Variants in UTRN observed in about 807,000 individuals in gnomAD.
UTRN encodes the protein utrophin, also known as dystrophin-related protein 1.
UTRN carries 283 observed loss-of-function variants against 463.9 expected under a neutral mutation model. The observed-to-expected ratio is 0.61, with a 90% CI of 0.55 to 0.67. The LOEUF (loss-of-function observed/expected upper bound fraction) is 0.67, where lower values mean the gene tolerates loss of function less well. Among genes scored for constraint, UTRN ranks in the 30% least tolerant of loss-of-function variants. The probability of loss-of-function intolerance (pLI) is 0.00; values close to 1 mark genes in which losing one functional copy is unlikely to be tolerated. For missense variants in UTRN, 3,922 were observed against 4,084.3 expected (o/e 0.96, Z 1.08); for synonymous variants, 1,442 against 1,431.5 (o/e 1.01, Z -0.17).
chr6:144,441,671 G>A (rs1787178240), intron 13 of UTRN, among the ~76,000 whole-genome samples: 1 of 152,222 alleles, frequency 6.6e-6, no homozygotes, highest in African/African-American at 2.4e-5. Flanking sequence ...ACTAGGTGGT[G>A]CCACAGTAGG....
intron 2 of UTRN, among the ~76,000 whole-genome samples, chr6:144,352,887 C>T (rs1294243260): frequency 6.6e-6 from 1 of 152,134 alleles, no homozygotes; most frequent in African/African-American, 2.4e-5. Context: ...AGACTGTCAG[C>T]ATTGATTTTC....
intron 33 of UTRN, among the ~76,000 whole-genome samples, chr6:144,497,618 T>A (rs1419306841): frequency 1.3e-5 from 2 of 151,614 alleles, no homozygotes; most frequent in African/African-American, 4.9e-5. Context: ...GAGGCTGAGG[T>A]TGCAGTGAGT....
chr6:144,837,073 A>T (rs1420943991), intron 71 of UTRN: 1 of 159,808 alleles, frequency 6.3e-6, no homozygotes, highest in Non-Finnish European at 1.4e-5. Flanking sequence ...TTACATTAAG[A>T]TGAATACATG....
Position 144,499,370 on chromosome 6 carries a change from G to A in UTRN, c.4707G>A (p.Gln1569=), listed in dbSNP as rs1312436761. Residue 1569 remains glutamine, a synonymous_variant, in exon 34 of 75, where the codon CAG becomes CAA. Coordinates refer to ENST00000367545, the MANE Select transcript of UTRN (RefSeq NM_007124.3). Reference sequence around the variant, plus strand: ...CTGCTACTGAAACTGAATTGGTACAGAAGTCCACTTCAGAAGGTCTGCTTG... The same window carrying A: ...CTGCTACTGAAACTGAATTGGTACAAAAGTCCACTTCAGAAGGTCTGCTTG... ...WLSATETELV[Q]KSTSEGLLGD... 1.2e-6 allele frequency: 2 copies of A among 1,613,238 alleles called. No homozygotes were observed. The highest frequency in any genetic ancestry group is 1.7e-6 in the Non-Finnish European group (2 of 1,179,506).
At chr6:144,348,939 A>G (rs754628098) in intron 2 of UTRN, among the ~76,000 whole-genome samples, 3 of 152,180 alleles carry the variant, frequency 2.0e-5, no homozygotes, top group Non-Finnish European at 4.4e-5. Context: ...CATCTCAAAA[A>G]AAAACAAAAA....
intron 54 of UTRN, among the ~76,000 whole-genome samples, chr6:144,732,711 AT>A (rs1788867707): frequency 1.3e-5 from 2 of 150,288 alleles, no homozygotes. Context: ...ATGTTATGTT[AT>A]GTTATGTTAT....
chr6:144,777,332 A>G (rs1339933541), intron 60 of UTRN, among the ~76,000 whole-genome samples: 2 of 152,242 alleles, frequency 1.3e-5, no homozygotes, highest in East Asian at 1.9e-4. Context: ...TCTTAGAACT[A>G]TAAAATTAAA....
chr6:144,577,602 G>C (rs546496106), intron 51 of UTRN, among the ~76,000 whole-genome samples: 1 of 152,004 alleles, frequency 6.6e-6, no homozygotes, highest in South Asian at 2.1e-4. Context: ...AAATTATAAG[G>C]GCATTTTCCC....
chr6:144,291,952 A>G, intron 2 of UTRN, 45 bp downstream of exon 2: 2 of 1,575,514 alleles, frequency 1.3e-6, no homozygotes, highest in Non-Finnish European at 1.7e-6. Context: ...TTATGTATTT[A>G]GAAAACCTAT....
At chr6:144,840,616 T>C in intron 72 of UTRN, 124 bp from the exon 73 acceptor site, 6 of 1,071,692 alleles carry the variant, frequency 5.6e-6, no homozygotes, top group Middle Eastern at 2.2e-4. Flanking sequence ...TCCTTTGCAA[T>C]GGGAAATCTT....
At chr6:144,439,964 A>G (rs958546983) in intron 12 of UTRN, among the ~76,000 whole-genome samples, 1 of 152,200 alleles carries the variant, frequency 6.6e-6, no homozygotes, top group Admixed American at 6.5e-5. Context: ...ATACTGTCCT[A>G]CACTAGATAA....
At position 144,487,591 on chromosome 6, in the gene UTRN, A is replaced by T. The variant is rs762538142; in HGVS notation, c.3866A>T (p.Gln1289Leu). The T allele has an allele frequency of 1.2e-6, 2 of 1,613,414 alleles. No homozygotes were observed. The highest frequency in any genetic ancestry group is 2.2e-5 in the South Asian group (2 of 91,000). ...VLRHPADNRT[Q>L]IRELGQTLID... ...CGCCACCCGGCAGATAATCGCACCC[A>T]GATTCGAGAGCTTGGCCAGACTCTG... Residue 1289 changes from glutamine to leucine, a missense_variant, in exon 29 of 75, where the codon CAG becomes CTG. Around this residue, in one of 3 missense-constraint regions of UTRN, gnomAD observed 2,349 missense variants for 2,303.8 expected, o/e 1.02. Coordinates refer to ENST00000367545, the MANE Select transcript of UTRN (RefSeq NM_007124.3).
intron 9 of UTRN, among the ~76,000 whole-genome samples, chr6:144,430,225 G>A (rs1281076354): frequency 6.6e-6 from 1 of 151,956 alleles, no homozygotes; most frequent in African/African-American, 2.4e-5. Context: ...GTAATGTATG[G>A]TAAACTACTT....
chr6:144,482,130 GA>G (rs985458819), intron 26 of UTRN, 78 bp from the exon 27 acceptor site: 212 of 1,270,980 alleles, frequency 1.7e-4, no homozygotes, highest in African/African-American at 1.1e-3. Flanking sequence ...TTTAATTCTT[GA>G]AAAAAAAAGA....
intron 2 of UTRN, among the ~76,000 whole-genome samples, chr6:144,375,683 T>G (rs1780390397): frequency 6.6e-6 from 1 of 152,230 alleles, no homozygotes; most frequent in East Asian, 1.9e-4. Context: ...TTGATAAAGC[T>G]GTGACTCTGA....
At chr6:144,496,554 TATTA>T (rs1169387047) in intron 33 of UTRN, among the ~76,000 whole-genome samples, 3 of 152,346 alleles carry the variant, frequency 2.0e-5, no homozygotes, top group Admixed American at 6.5e-5. Context: ...ATAATTTTAG[TATTA>T]ATTAATTTTA....
intron 50 of UTRN, among the ~76,000 whole-genome samples, chr6:144,561,211 A>ACG (rs1704318195): frequency 6.3e-4 from 3 of 4,734 alleles, no homozygotes; most frequent in African/African-American, 1.6e-3. Context: ...AACATTATAT[A>ACG]TATATATATA....
At chr6:144,780,321 G>A (rs1489021910) in intron 60 of UTRN, among the ~76,000 whole-genome samples, 1 of 151,578 alleles carries the variant, frequency 6.6e-6, no homozygotes, top group African/African-American at 2.4e-5. Flanking sequence ...TAACATATGT[G>A]TATATATAAC....
At chr6:144,375,945 G>A (rs149190044) in intron 2 of UTRN, among the ~76,000 whole-genome samples, 92 of 152,164 alleles carry the variant, frequency 6.0e-4, no homozygotes, top group African/African-American at 2.1e-3. Flanking sequence ...TAGGGTAGCA[G>A]CCTTTTTATA....
Sources: allele counts gnomAD v4.1 joint callset (sites outside exome capture counted in the v4.1 genomes callset), GRCh38; gene constraint gnomAD v4.1.1; regional missense constraint gnomAD v4.1.1; transcripts MANE v1.5; gene names NCBI Gene and HGNC (gene_info 2026-07-23, HGNC 2026-07-21).